Variants in AGO2 observed in about 807,000 individuals in gnomAD.
The protein encoded by AGO2 is protein argonaute-2.
AGO2 carries 5 observed loss-of-function variants against 102.3 expected under a neutral mutation model. The observed-to-expected ratio is 0.05, with a 90% confidence interval of 0.03 to 0.10. The LOEUF (loss-of-function observed/expected upper bound fraction) is 0.10. Among genes scored for constraint, AGO2 ranks in the 10% least tolerant of loss-of-function variants. The pLI, the probability that AGO2 is intolerant of heterozygous loss-of-function variation, is 1.00. For synonymous variants in AGO2, 449 were observed against 473.1 expected, an observed-to-expected ratio of 0.95 and a Z score of 0.66; for missense variants, 541 against 1,183.7, an observed-to-expected ratio of 0.46 and a Z score of 7.97.
At chr8:140,624,850 G>A (rs1003943124) in intron 1 of AGO2, among the ~76,000 whole-genome samples, 4 of 152,202 alleles carry the variant, frequency 2.6e-5, no homozygotes, top group African/African-American at 7.2e-5. Context: ...AACGGGAAAC[G>A]GGACGAGGCT....
intron 3 of AGO2, among the ~76,000 whole-genome samples, chr8:140,568,103 C>CAA (rs553804959): frequency 4.5e-4 from 50 of 110,576 alleles, no homozygotes; most frequent in Middle Eastern, 5.3e-3. Context: ...ACTAAAAATA[C>CAA]AAAAAAAAAA....
At chr8:140,598,017 C>G (rs537550954) in intron 1 of AGO2, among the ~76,000 whole-genome samples, 21 of 152,340 alleles carry the variant, frequency 1.4e-4, no homozygotes, top group African/African-American at 4.3e-4. Context: ...GCGCACAGCT[C>G]TCCTTTCTAG....
At chr8:140,606,914 G>T (rs1212069181) in intron 1 of AGO2, among the ~76,000 whole-genome samples, 3 of 151,760 alleles carry the variant, frequency 2.0e-5, no homozygotes, top group African/African-American at 7.3e-5. Flanking sequence ...TCCAGCCTGG[G>T]TGACAGAGCA....
intron 13 of AGO2, among the ~76,000 whole-genome samples, chr8:140,545,681 C>A (rs1309639127): frequency 6.6e-6 from 1 of 152,226 alleles, no homozygotes; most frequent in East Asian, 1.9e-4. Context: ...CAGCCCAGGC[C>A]AAGGGCCTTG....
Position 140,557,816 on chromosome 8 carries a change from C to A in AGO2, c.879-580G>T, listed in dbSNP as rs1468809937. On this transcript the variant is annotated intron_variant, in intron 7 of 18. Transcript: ENST00000220592. This position sits in a 1 kb window ranked among gnomAD's most constrained non-coding sequence, Gnocchi z 5.9. ...TGGCTCAGTTTCTACTGCACAGACC[C>A]CTTCCCCCAATCCAGACTGCCGGGC... 1.3e-5 allele frequency among the ~76,000 whole-genome samples: 2 copies of A among 152,200 alleles called. No individual in the cohort carries two copies. The highest frequency in any genetic ancestry group is 4.8e-5 in the African/African-American group (2 of 41,448).
intron 1 of AGO2, among the ~76,000 whole-genome samples, chr8:140,597,354 G>A (rs1200727575): frequency 6.6e-6 from 1 of 152,216 alleles, no homozygotes; most frequent in Non-Finnish European, 1.5e-5. Context: ...AGGGCAGCGT[G>A]GGCAGCGGTG....
At chr8:140,562,428 C>A (rs774324090) in intron 4 of AGO2, 25 bp downstream of exon 4, 4 of 1,597,954 alleles carry the variant, frequency 2.5e-6, no homozygotes, top group Non-Finnish European at 3.4e-6. Context: ...AGTCCCCCGC[C>A]CTTGGTCCCG....
intron 1 of AGO2, among the ~76,000 whole-genome samples, chr8:140,624,127 A>ATGGGTGAGTGG (rs2074247244): frequency 6.6e-6 from 1 of 152,034 alleles, no homozygotes; most frequent in Admixed American, 6.6e-5. Context: ...AGACACTCAC[A>ATGGGTGAGTGG]CTGGCTTGCA....
At chr8:140,631,236 A>G (rs1486688684) in intron 1 of AGO2, among the ~76,000 whole-genome samples, 1 of 152,176 alleles carries the variant, frequency 6.6e-6, no homozygotes, top group Non-Finnish European at 1.5e-5. Flanking sequence ...AATGCTCTGA[A>G]GAAAAGAGAT....
intron 1 of AGO2, among the ~76,000 whole-genome samples, chr8:140,633,285 A>G (rs1458308319): frequency 1.3e-5 from 2 of 152,248 alleles, no homozygotes; most frequent in African/African-American, 4.8e-5. Flanking sequence ...CACAAAATTA[A>G]AAGCCTTAAT....
chr8:140,610,886 C>A (rs192058276), intron 1 of AGO2, among the ~76,000 whole-genome samples: 12 of 152,340 alleles, frequency 7.9e-5, no homozygotes, highest in Admixed American at 2.0e-4. Flanking sequence ...ATTTTAGATT[C>A]CAAATCAGAT....
At chr8:140,584,007 T>C (rs1282705000) in intron 2 of AGO2, among the ~76,000 whole-genome samples, 1 of 152,178 alleles carries the variant, frequency 6.6e-6, no homozygotes, top group Non-Finnish European at 1.5e-5. Flanking sequence ...CCAAACGTTG[T>C]CATGCGGTAC....
intron 1 of AGO2, among the ~76,000 whole-genome samples, chr8:140,618,557 A>G (rs1242856811): frequency 6.6e-6 from 1 of 152,242 alleles, no homozygotes; most frequent in Non-Finnish European, 1.5e-5. Context: ...TGCTGAAGAC[A>G]TTAAGTGAAA....
intron 1 of AGO2, among the ~76,000 whole-genome samples, chr8:140,598,466 C>T (rs971104232): frequency 6.6e-6 from 1 of 152,258 alleles, no homozygotes; most frequent in Non-Finnish European, 1.5e-5. Context: ...CTTCTCCAAC[C>T]TGTGCCAGGC....
At chr8:140,542,310 C>T (rs1053790302) in intron 14 of AGO2, among the ~76,000 whole-genome samples, 3 of 152,330 alleles carry the variant, frequency 2.0e-5, no homozygotes, top group Admixed American at 1.3e-4. Flanking sequence ...AAAATAGGAA[C>T]TGCTTCTTGG....
chr8:140,565,925 T>C (rs1465094116), intron 3 of AGO2, among the ~76,000 whole-genome samples: 2 of 151,910 alleles, frequency 1.3e-5, no homozygotes, highest in Non-Finnish European at 2.9e-5. Flanking sequence ...TGCTCCCAGT[T>C]ACTCAGGAGG....
intron 1 of AGO2, among the ~76,000 whole-genome samples, chr8:140,605,092 A>G (rs763960432): frequency 2.6e-4 from 39 of 152,170 alleles, no homozygotes; most frequent in Admixed American, 7.9e-4. Context: ...GAAAAAAAAT[A>G]CAAGTTTTTT....
At chr8:140,601,023 G>C (rs1227133869) in intron 1 of AGO2, among the ~76,000 whole-genome samples, 1 of 152,038 alleles carries the variant, frequency 6.6e-6, no homozygotes, top group African/African-American at 2.4e-5. Context: ...TCTTCTCCCA[G>C]CTGGATCACT....
chr8:140,594,512 G>C (rs1435875894), intron 1 of AGO2, among the ~76,000 whole-genome samples: 1 of 152,068 alleles, frequency 6.6e-6, no homozygotes, highest in East Asian at 1.9e-4. Context: ...TTTTGGCTGG[G>C]TGTGGTGTCT....
Sources: allele counts gnomAD v4.1 joint callset (sites outside exome capture counted in the v4.1 genomes callset), GRCh38; gene constraint gnomAD v4.1.1; non-coding constraint Gnocchi (gnomAD v3.1); transcripts MANE v1.5; gene names NCBI Gene and HGNC (gene_info 2026-07-23, HGNC 2026-07-21).